The following RABGAP1 variants were observed in gnomAD, a reference collection of about 807,000 sequenced individuals.
The protein encoded by RABGAP1 is RAB GTPase activating protein 1, also known as rab GTPase-activating protein 1.
Under a neutral mutation model 137.6 loss-of-function variants are expected in RABGAP1, and 23 were observed. The observed-to-expected ratio is 0.17, with a 90% CI of 0.12 to 0.24. The LOEUF is 0.24. Among genes scored for constraint, RABGAP1 ranks in the 10% least tolerant of loss-of-function variants. The pLI is 1.00. For synonymous variants in RABGAP1, 451 were observed against 450.7 expected, an observed-to-expected ratio of 1.00 and a Z score of -0.01; for missense variants, 906 against 1,275.8, an observed-to-expected ratio of 0.71 and a Z score of 4.42.
chr9:122,956,120 G>T (rs1438072090), intron 1 of RABGAP1, among the ~76,000 whole-genome samples: 1 of 152,048 alleles, frequency 6.6e-6, no homozygotes, highest in Non-Finnish European at 1.5e-5. Flanking sequence ...CCCTTATTTG[G>T]GTAATGTTCA....
At chr9:123,024,811 G>T (rs1423233487) in intron 13 of RABGAP1, among the ~76,000 whole-genome samples, 2 of 151,976 alleles carry the variant, frequency 1.3e-5, no homozygotes, top group Non-Finnish European at 2.9e-5. Context: ...TATGTTCTTT[G>T]TACATTTATC....
intron 19 of RABGAP1, among the ~76,000 whole-genome samples, chr9:123,088,593 C>T (rs372959549): frequency 2.8e-4 from 42 of 152,006 alleles, no homozygotes; most frequent in South Asian, 6.3e-4. Context: ...GAGGCTGGGG[C>T]GGGAGGATCA....
At chr9:123,004,086 A>C (rs2029976622) in intron 10 of RABGAP1, among the ~76,000 whole-genome samples, 1 of 152,220 alleles carries the variant, frequency 6.6e-6, no homozygotes, top group Admixed American at 6.5e-5. Context: ...TCAAGATAAA[A>C]ATATACAAAT....
chr9:123,058,835 C>A (rs2033853683), intron 13 of RABGAP1, among the ~76,000 whole-genome samples: 1 of 152,196 alleles, frequency 6.6e-6, no homozygotes, highest in African/African-American at 2.4e-5. Flanking sequence ...CTGGGAGCCA[C>A]CAGCAGCACA....
rs568532768 is a variant in RABGAP1, at chr9:122,987,510, CT to C, written c.590+1101del. On this transcript the variant is annotated intron_variant, in intron 4 of 25. Coordinates refer to ENST00000373647, the MANE Select transcript of RABGAP1 (RefSeq NM_012197.4). Reference sequence around the variant, plus strand: ...CATAATTTACAACTGTTAGAATCAACTTTTTTTTTTAACAGCAATGGACCTG... The same window carrying C: ...CATAATTTACAACTGTTAGAATCAACTTTTTTTTTAACAGCAATGGACCTG... Among the ~76,000 whole-genome samples, 106 of 148,504 alleles carry C rather than the reference CT, an allele frequency of 7.1e-4. No individual in the cohort carries two copies. The Middle Eastern group carries it at 0.01, about 15-fold the overall frequency.
At chr9:123,100,748 T>G (rs1202611857) in intron 24 of RABGAP1, among the ~76,000 whole-genome samples, 1 of 152,200 alleles carries the variant, frequency 6.6e-6, no homozygotes, top group African/African-American at 2.4e-5. Flanking sequence ...ACAGAACTTA[T>G]TTTCTGATTC....
At chr9:122,990,762 T>C (rs573944320) in intron 6 of RABGAP1, 1 of 52,960 alleles carries the variant, frequency 1.9e-5, no homozygotes, top group Non-Finnish European at 3.1e-5. Flanking sequence ...AGAACGAAAC[T>C]CCGTCTCAAA....
At chr9:123,049,006 T>A (rs1015355759) in intron 13 of RABGAP1, among the ~76,000 whole-genome samples, 4 of 152,192 alleles carry the variant, frequency 2.6e-5, no homozygotes, top group Middle Eastern at 3.2e-3. Context: ...GGGACTTAGA[T>A]TTATTTTTAG....
Position 123,050,803 on chromosome 9 carries a change from G to A in RABGAP1, c.1795-14545G>A, listed in dbSNP as rs367931338. Among the ~76,000 whole-genome samples the A allele has an allele frequency of 5.3e-5, 8 of 152,230 alleles. No homozygotes were observed. The East Asian group carries it at 1.2e-3, about 22-fold the overall frequency. On this transcript the variant is annotated intron_variant, in intron 13 of 25. Coordinates refer to ENST00000373647, the MANE Select transcript of RABGAP1 (RefSeq NM_012197.4). ...GATTCCGAGCCTCCTGAAGGCCGAA[G>A]CAAAAATGAACATTGGATCATTTCC...
intron 1 of RABGAP1, among the ~76,000 whole-genome samples, chr9:122,943,558 T>C (rs986256344): frequency 1.3e-5 from 2 of 152,242 alleles, no homozygotes; most frequent in Non-Finnish European, 2.9e-5. Context: ...TCCTACCTTT[T>C]CTGCTGCATA....
chr9:122,978,585 T>A (rs1835885529), intron 2 of RABGAP1, among the ~76,000 whole-genome samples: 1 of 152,180 alleles, frequency 6.6e-6, no homozygotes, highest in South Asian at 2.1e-4. Context: ...CAGTGAGCTA[T>A]GATCGTGCCA....
At chr9:122,966,557 T>C (rs1466366186) in intron 2 of RABGAP1, among the ~76,000 whole-genome samples, 4 of 151,708 alleles carry the variant, frequency 2.6e-5, no homozygotes, top group Non-Finnish European at 5.9e-5. Flanking sequence ...GCTATAGAAT[T>C]AGATGAGACC....
intron 2 of RABGAP1, among the ~76,000 whole-genome samples, chr9:122,969,376 T>C (rs1835350545): frequency 6.6e-6 from 1 of 152,224 alleles, no homozygotes; most frequent in Non-Finnish European, 1.5e-5. Flanking sequence ...TGATGCATGA[T>C]TGTGTTTTGT....
At chr9:123,101,438 C>T in intron 24 of RABGAP1, 128 bp from the exon 25 acceptor site, 1 of 842,090 alleles carries the variant, frequency 1.2e-6, no homozygotes, top group East Asian at 3.0e-5. Flanking sequence ...ACAAAGAGCA[C>T]AGGTTTTCAG....
intron 2 of RABGAP1, among the ~76,000 whole-genome samples, chr9:122,964,673 C>T (rs563373540): frequency 6.6e-6 from 1 of 152,168 alleles, no homozygotes; most frequent in South Asian, 2.1e-4. Context: ...ACAAGGAGGT[C>T]TACACTCACC....
intron 2 of RABGAP1, among the ~76,000 whole-genome samples, chr9:122,981,735 AT>A (rs1410851338): frequency 6.6e-6 from 1 of 152,204 alleles, no homozygotes; most frequent in Non-Finnish European, 1.5e-5. Flanking sequence ...TGTCTTAAAA[AT>A]AAAAAAGAAC....
At chr9:122,931,850 T>C in the RABGAP1 span, among the ~76,000 whole-genome samples, 1 of 152,238 alleles carries the variant, frequency 6.6e-6, no homozygotes, top group African/African-American at 2.4e-5. Flanking sequence ...TCCTTGGGCC[T>C]GAAGGGCTCC....
At chr9:122,933,145 T>G in the RABGAP1 span, among the ~76,000 whole-genome samples, 1 of 152,154 alleles carries the variant, frequency 6.6e-6, no homozygotes, top group African/African-American at 2.4e-5. Flanking sequence ...TTCTATCTGA[T>G]TCTTCTCCCC....
At chr9:123,086,887 T>C (rs1375895649) in intron 19 of RABGAP1, among the ~76,000 whole-genome samples, 1 of 152,130 alleles carries the variant, frequency 6.6e-6, no homozygotes, top group Non-Finnish European at 1.5e-5. Context: ...GACCATCAGC[T>C]AGAGAAACAA....
Sources: gnomAD v4.1 joint callset for allele counts (sites outside exome capture counted in the v4.1 genomes callset) on GRCh38, gnomAD v4.1.1 for gene constraint, MANE v1.5 for transcripts, NCBI Gene and HGNC (gene_info 2026-07-23, HGNC 2026-07-21) for gene names.